IL18RAP: variants seen among roughly 807,000 people sequenced by gnomAD.
The protein encoded by IL18RAP is interleukin-18 receptor accessory protein.
IL18RAP carries 37 observed loss-of-function variants against 58.1 expected under a neutral mutation model. That is an observed-to-expected ratio of 0.64 (90% CI 0.49 to 0.84). The LOEUF is 0.84. Among genes scored for constraint, IL18RAP ranks in the 40% least tolerant of loss-of-function variants. The probability of loss-of-function intolerance (pLI) is 0.00; values close to 1 mark genes in which losing one functional copy is unlikely to be tolerated. For missense variants in IL18RAP, 667 were observed against 704.8 expected (o/e 0.95, Z 0.61); for synonymous variants, 268 against 257.5 (o/e 1.04, Z -0.39).
chr2:102,437,716 A>AT (rs1228041633), intron 4 of IL18RAP, among the ~76,000 whole-genome samples: 7 of 152,072 alleles, frequency 4.6e-5, no homozygotes, highest in African/African-American at 7.2e-5. Flanking sequence ...TCAAATCATA[A>AT]TTTTTTTTCT....
chr2:102,420,639 A>G (rs1456749912), upstream of IL18RAP, among the ~76,000 whole-genome samples: 4 of 152,162 alleles, frequency 2.6e-5, no homozygotes, highest in African/African-American at 9.7e-5. Context: ...AGCTGGGAGG[A>G]TCTTAGCAAC....
intron 3 of IL18RAP, among the ~76,000 whole-genome samples, chr2:102,425,980 T>C (rs1419975063): frequency 6.6e-6 from 1 of 152,186 alleles, no homozygotes; most frequent in Non-Finnish European, 1.5e-5. Context: ...AGGTGAACAA[T>C]GGCTGTTATG....
chr2:102,441,760 T>A (rs1046022374), intron 5 of IL18RAP, among the ~76,000 whole-genome samples: 4 of 151,946 alleles, frequency 2.6e-5, no homozygotes, highest in Non-Finnish European at 5.9e-5. Flanking sequence ...TGGGTGTGGG[T>A]GCCTGTAATC....
chr2:102,451,765 G>A lies in IL18RAP; in HGVS notation c.1385-1G>A. 1 of 1,599,706 alleles carries A rather than the reference G, an allele frequency of 6.3e-7. No individual in the cohort carries two copies. Among genetic ancestry groups the A allele is most frequent in the Non-Finnish European group, 8.5e-7 (1 of 1,171,236 alleles). ...CAAATAATCAAATGTTTTATTTCCA[G>A]TGTATGCAGAAGACATTGTGAGCAT... On this transcript the variant is annotated splice_acceptor_variant, in intron 9 of 9. Coordinates refer to ENST00000687160, the MANE Select transcript of IL18RAP (RefSeq NM_001393487.1). LOFTEE classifies it high-confidence loss of function.
rs532776634 is a variant in IL18RAP at position 102,435,699 on chromosome 2, T to G, written c.580-1513T>G. The stretch of plus-strand genomic sequence containing the variant: ...TTCCCATAGAATAACACAGTGTGCG[T>G]GATGCTCAGTAGCTGTACTGACTGG... On this transcript the variant is annotated intron_variant, in intron 3 of 9. Transcript: ENST00000687160. 2.6e-5 allele frequency among the ~76,000 whole-genome samples: 4 copies of G among 152,294 alleles called. No individual in the cohort carries two copies. The South Asian group carries it at 8.3e-4, about 32-fold the overall frequency.
In IL18RAP at chr2:102,452,344, G is replaced by A. The variant is rs1476567495; in HGVS notation, c.*163G>A. ...ACAATGGAGTGGGATTGAGACTGTG[G>A]TTTAGAGCCTTTGATTTCCTGGACT... On this transcript the variant is annotated 3_prime_UTR_variant, in exon 10 of 10. Coordinates refer to ENST00000687160, the MANE Select transcript of IL18RAP (RefSeq NM_001393487.1). The A allele has an allele frequency of 4.7e-6, 3 of 641,496 alleles. No homozygotes were observed. The highest frequency in any genetic ancestry group is 2.8e-5 in the East Asian group (1 of 35,546). 39.7% of individuals were successfully genotyped at this position (641,496 alleles called of 1,614,324 possible). A position where few individuals can be genotyped will look rare whatever the true frequency, so the allele number is the denominator to read the frequency against.
Position 102,436,805 on chromosome 2 carries a change from A to ATGTG in IL18RAP, c.580-395_580-392dup, listed in dbSNP as rs138894381. On this transcript the variant is annotated intron_variant, in intron 3 of 9. Transcript: ENST00000687160. The stretch of plus-strand genomic sequence containing the variant: ...TATATATGTGTGTGTATGTATATAT[A>ATGTG]TGTGTGTGTGTGTGTATATATATAT... 3.0e-3 allele frequency among the ~76,000 whole-genome samples: 428 copies of ATGTG among 143,460 alleles called. 1 individual carries two copies. The highest frequency in any genetic ancestry group is 9.9e-3 in the African/African-American group (392 of 39,700). 94.1% of individuals were successfully genotyped at this position (143,460 alleles called of 152,430 possible). A position where few individuals can be genotyped will look rare whatever the true frequency, so the allele number is the denominator to read the frequency against.
At chr2:102,442,635 G>A (rs1683173183) in intron 5 of IL18RAP, among the ~76,000 whole-genome samples, 2 of 152,152 alleles carry the variant, frequency 1.3e-5, no homozygotes, top group African/African-American at 4.8e-5. Context: ...TTGAGGCAGA[G>A]CATATGTGAA....
At position 102,445,353 on chromosome 2, in the gene IL18RAP, G is replaced by A; in HGVS notation, c.1072+13G>A. 3 of 1,613,212 alleles carry A rather than the reference G, an allele frequency of 1.9e-6. No individual in the cohort carries two copies. The highest frequency in any genetic ancestry group is 2.5e-6 in the Non-Finnish European group (3 of 1,179,268). On this transcript the variant is annotated intron_variant, in intron 7 of 9. Transcript: ENST00000687160. ...GAAAAGAGAGGAGGTAAGCCCAGAA[G>A]GTTGCCCAGGAGGCATGAAACTGCT...
chr2:102,429,468 G>T (rs1318996489), intron 3 of IL18RAP, among the ~76,000 whole-genome samples: 1 of 151,646 alleles, frequency 6.6e-6, no homozygotes. Context: ...TTTTTTCTTA[G>T]TCTAGCTAAG....
At chr2:102,419,026 T>C (rs1163157571), upstream of IL18RAP, 2 of 152,322 alleles carry the variant, frequency 1.3e-5, no homozygotes, top group African/African-American at 4.8e-5. Flanking sequence ...ATTTAAAAAA[T>C]GAGTTGCTAA....
At chr2:102,444,376 AC>A (rs1683288423) in intron 6 of IL18RAP, among the ~76,000 whole-genome samples, 1 of 152,116 alleles carries the variant, frequency 6.6e-6, no homozygotes, top group Admixed American at 6.5e-5. Flanking sequence ...TGTCAACATG[AC>A]CCTTAGCCCC....
upstream of IL18RAP, among the ~76,000 whole-genome samples, chr2:102,420,671 A>G (rs906044045): frequency 2.0e-5 from 3 of 152,232 alleles, no homozygotes; most frequent in African/African-American, 7.2e-5. Flanking sequence ...ATGATTTACA[A>G]GTCAGGGAGC....
chr2:102,452,251 T>G lies in IL18RAP; in HGVS notation c.*70T>G. On this transcript the variant is annotated 3_prime_UTR_variant, in exon 10 of 10. Transcript: ENST00000687160. ...TGTTGCTGGACAGAACTCACAGCTC[T>G]GTGTGTGTGTGTTCAGGCTGATAGG... 8 of 1,203,336 alleles carry G rather than the reference T, an allele frequency of 6.6e-6. No individual in the cohort carries two copies. The highest frequency in any genetic ancestry group is 1.5e-5 in the African/African-American group (1 of 65,382). The allele number at this position is 1,203,336 out of a possible 1,614,324, so 74.5% of individuals were successfully genotyped here.
chr2:102,427,008 A>G (rs1376248464), intron 3 of IL18RAP, among the ~76,000 whole-genome samples: 1 of 152,036 alleles, frequency 6.6e-6, no homozygotes, highest in African/African-American at 2.4e-5. Context: ...CTCTTGCAGC[A>G]TTTGTCTTTC....
rs867163754 is a variant in IL18RAP, at chr2:102,423,921, C to G, written c.181C>G (p.Arg61Gly). 15 of 1,613,888 alleles carry G rather than the reference C, an allele frequency of 9.3e-6. No individual in the cohort carries two copies. In the Middle Eastern group the frequency reaches 4.9e-4, roughly 53 times the overall value. ...GAAATCACATTTCTGCCACAGAAAT[C>G]GACTCTCACCAAAACAAGTCCCTGA... ...PQKSHFCHRNRLSPKQVPEHL... is the reference protein window; with the variant it reads ...PQKSHFCHRNGLSPKQVPEHL... Residue 61 changes from arginine (R) to glycine (G), a missense_variant, in exon 2 of 10, where the codon CGA becomes GGA. Arg to Gly is a moderately radical substitution (Grantham distance 125). Transcript: ENST00000687160.
Position 102,441,354 on chromosome 2 carries a change from A to C in IL18RAP, c.773A>C (p.Glu258Ala). The stretch of plus-strand genomic sequence containing the variant: ...AAACCAGATATTCTGGATCCTGTCG[A>C]GGACACACTGGAAGTAGAACTTGGT... Reference protein sequence around the residue: ...KLKPDILDPVEDTLEVELGKP... With the variant: ...KLKPDILDPVADTLEVELGKP... The change falls in exon 5 of 10, where the codon GAG becomes GCG. Residue 258 changes from glutamate (E) to alanine (A), a missense_variant. Physicochemically the swap from Glu to Ala is moderately radical, Grantham distance 107. Transcript: ENST00000687160. 1 of 1,613,414 alleles carries C rather than the reference A, an allele frequency of 6.2e-7. No homozygotes were observed. The highest frequency in any genetic ancestry group is 8.5e-7 in the Non-Finnish European group (1 of 1,179,480).
At chr2:102,449,012 T>C (rs1362978623) in intron 8 of IL18RAP, among the ~76,000 whole-genome samples, 2 of 142,354 alleles carry the variant, frequency 1.4e-5, no homozygotes, top group African/African-American at 5.3e-5. Flanking sequence ...CTCACATGTG[T>C]AATCCCAGCA....
intron 3 of IL18RAP, among the ~76,000 whole-genome samples, chr2:102,428,409 A>G (rs1682112037): frequency 6.7e-6 from 1 of 149,254 alleles, no homozygotes; most frequent in African/African-American, 2.5e-5. Context: ...TTCAGTATAT[A>G]GGTCCTTTAC....
Sources: gnomAD v4.1 joint callset for allele counts (sites outside exome capture counted in the v4.1 genomes callset) on GRCh38, gnomAD v4.1.1 for gene constraint, MANE v1.5 for transcripts, NCBI Gene and HGNC (gene_info 2026-07-23, HGNC 2026-07-21) for gene names.